PGBD2: variants seen among roughly 807,000 people sequenced by gnomAD.
PGBD2 encodes the protein piggyBac transposable element-derived protein 2.
Under a neutral mutation model 8.1 loss-of-function variants are expected in PGBD2, and 6 were observed. That is an observed-to-expected ratio of 0.74 (90% CI 0.40 to 1.46). The LOEUF is 1.46. PGBD2 is among the 40% of genes most tolerant of loss of function. The pLI is 0.02. For missense variants in PGBD2, 802 were observed against 739.0 expected, an observed-to-expected ratio of 1.09 and a Z score of -0.99; for synonymous variants, 318 against 272.2, an observed-to-expected ratio of 1.17 and a Z score of -1.66.
At chr1:248,926,896 A>G in the PGBD2 span, among the ~76,000 whole-genome samples, 53 of 152,308 alleles carry the variant, frequency 3.5e-4, no homozygotes, top group Non-Finnish European at 7.1e-4. Flanking sequence ...TTTGATTCTG[A>G]TATAAGAGAT....
the PGBD2 span, among the ~76,000 whole-genome samples, chr1:248,888,252 A>G: frequency 2.0e-5 from 3 of 152,316 alleles, no homozygotes; most frequent in South Asian, 6.2e-4. Context: ...GTAGAACAAT[A>G]TATTTACCCT....
chr1:248,879,345 C>T, the PGBD2 span, among the ~76,000 whole-genome samples: 1 of 151,970 alleles, frequency 6.6e-6, no homozygotes, highest in African/African-American at 2.4e-5. Context: ...TGTTATGTTC[C>T]CTGTTAATTC....
At chr1:248,901,588 A>G (rs1661534506), upstream of PGBD2, among the ~76,000 whole-genome samples, 1 of 152,228 alleles carries the variant, frequency 6.6e-6, no homozygotes, top group South Asian at 2.1e-4. Flanking sequence ...ACAAAAAATA[A>G]CTCAAGATGG....
At chr1:248,902,828 G>C (rs745848550), upstream of PGBD2, among the ~76,000 whole-genome samples, 1 of 152,026 alleles carries the variant, frequency 6.6e-6, no homozygotes, top group Non-Finnish European at 1.5e-5. Context: ...GTGGGGGTGG[G>C]GTGGCGGGGA....
At chr1:248,922,440 C>T (rs966923116), downstream of PGBD2, among the ~76,000 whole-genome samples, 11 of 152,140 alleles carry the variant, frequency 7.2e-5, no homozygotes, top group African/African-American at 2.4e-4. Flanking sequence ...TATTTGAATA[C>T]CCTTTATTTC....
chr1:248,916,024 AC>A (rs1662084679), intron 2 of PGBD2, among the ~76,000 whole-genome samples: 1 of 152,108 alleles, frequency 6.6e-6, no homozygotes, highest in Admixed American at 6.5e-5. Flanking sequence ...CACTAAAGGG[AC>A]CCTCTGCTTT....
the PGBD2 span, among the ~76,000 whole-genome samples, chr1:248,894,759 C>CCTTCCT: frequency 6.7e-6 from 1 of 148,856 alleles, no homozygotes; most frequent in Non-Finnish European, 1.5e-5. Context: ...TTCCCCTTCC[C>CCTTCCT]CTTCCTCTTC....
At chr1:248,892,116 T>C in the PGBD2 span, among the ~76,000 whole-genome samples, 1 of 152,234 alleles carries the variant, frequency 6.6e-6, no homozygotes, top group African/African-American at 2.4e-5. Flanking sequence ...TGCTCCAAAC[T>C]GTAGATTTGA....
intron 2 of PGBD2, chr1:248,914,294 C>T (rs1340820673): frequency 8.0e-6 from 5 of 622,404 alleles, no homozygotes; most frequent in Non-Finnish European, 1.0e-5. Flanking sequence ...CTGGAGCTTG[C>T]AGCCTTGGCT....
the PGBD2 span, among the ~76,000 whole-genome samples, chr1:248,879,548 C>T: frequency 6.6e-6 from 1 of 152,100 alleles, no homozygotes; most frequent in African/African-American, 2.4e-5. Context: ...GCGTGTGCCA[C>T]TACGTATGGC....
At chr1:248,884,135 G>A in the PGBD2 span, among the ~76,000 whole-genome samples, 23 of 152,054 alleles carry the variant, frequency 1.5e-4, no homozygotes, top group African/African-American at 5.6e-4. Flanking sequence ...TTTGTAAAAG[G>A]TAGAGTCCAG....
downstream of PGBD2, among the ~76,000 whole-genome samples, chr1:248,923,327 G>A (rs566403918): frequency 4.6e-5 from 7 of 152,198 alleles, no homozygotes; most frequent in African/African-American, 7.2e-5. Context: ...TTCTTATTGC[G>A]TCTATTTGGT....
In PGBD2 at chr1:248,917,891, G is replaced by A. The variant is rs372043364; in HGVS notation, c.1307G>A (p.Arg436His). Residue 436 changes from arginine (R) to histidine (H), a missense_variant, in exon 3 of 3, where the codon CGT becomes CAT. By Grantham distance (29) the Arg-to-His change is conservative. Transcript: ENST00000329291. ...VGIEPVRLTS[R>H]HSGAAKTRTQ... ...ATAGAGCCAGTGAGGCTGACCAGTC[G>A]TCACTCTGGAGCAGCTAAAACGCGG... is the stretch of plus-strand genomic sequence containing the variant. 3.9e-5 allele frequency: 63 copies of A among 1,614,110 alleles called. No homozygotes were observed. The highest frequency in any genetic ancestry group is 1.9e-4 in the African/African-American group (14 of 74,944).
Position 248,918,132 on chromosome 1 carries a change from C to G in PGBD2, c.1548C>G (p.Phe516Leu). Residue 516 changes from phenylalanine to leucine, a missense_variant, in exon 3 of 3, where the codon TTC (phenylalanine) becomes TTG (leucine). Physicochemically the swap from Phe to Leu is conservative, Grantham distance 22 (BLOSUM62 0). Transcript: ENST00000329291. ...ATGCCCAGGTGGACCTCCTTGCCTTCCGGAGATACATTGCCTGTGTGTATC... is the reference window on the plus strand; with the variant it reads ...ATGCCCAGGTGGACCTCCTTGCCTTGCGGAGATACATTGCCTGTGTGTATC... ...CQDAQVDLLAFRRYIACVYLE... is the reference protein window; with the variant it reads ...CQDAQVDLLALRRYIACVYLE... 1 of 1,614,208 alleles carries G rather than the reference C, an allele frequency of 6.2e-7. No individual in the cohort carries two copies. The highest frequency in any genetic ancestry group is 8.5e-7 in the Non-Finnish European group (1 of 1,180,020).
chr1:248,916,741 G>C lies in PGBD2; in HGVS notation c.157G>C (p.Glu53Gln), dbSNP rs900081793. Residue 53 changes from glutamate (E) to glutamine (Q), a missense_variant, in exon 3 of 3, where the codon GAA becomes CAA. By Grantham distance (29) the Glu-to-Gln change is conservative. Transcript: ENST00000329291. ...FIAPPDNAAG[E>Q]FTDEDSGDED... is the part of the protein sequence containing the mutation. ...TGCACCTCCCGACAATGCTGCGGGG[G>C]AATTCACTGATGAGGACTCAGGGGA... 6.2e-7 allele frequency: 1 copy of C among 1,614,184 alleles called. No homozygotes were observed. The highest frequency in any genetic ancestry group is 1.7e-5 in the Admixed American group (1 of 60,020).
chr1:248,880,750 G>T, the PGBD2 span, among the ~76,000 whole-genome samples: 2 of 152,002 alleles, frequency 1.3e-5, no homozygotes. Flanking sequence ...CAGCTTAAGG[G>T]CTTTTATTTT....
the PGBD2 span, among the ~76,000 whole-genome samples, chr1:248,890,500 A>G: frequency 6.6e-6 from 1 of 152,088 alleles, no homozygotes; most frequent in Admixed American, 6.6e-5. Context: ...GCTCCTGACT[A>G]TTCTACACAA....
In PGBD2 at chr1:248,914,798, C is replaced by A. The variant is rs540458660; in HGVS notation, c.17+919C>A. Among the ~76,000 whole-genome samples, 12 of 152,336 alleles carry A rather than the reference C, an allele frequency of 7.9e-5. No homozygotes were observed. In the South Asian group the frequency reaches 2.5e-3, roughly 32 times the overall value. On this transcript the variant is annotated intron_variant, in intron 2 of 2. Coordinates refer to ENST00000329291, the MANE Select transcript of PGBD2 (RefSeq NM_170725.3). ...CCTGGGGCTACGTATGGCAGCTGAA[C>A]ACTGGAAGTCCTGGCCAGGGCCTGT...
At chr1:248,901,120 T>C in the PGBD2 span, among the ~76,000 whole-genome samples, 1 of 152,204 alleles carries the variant, frequency 6.6e-6, no homozygotes, top group African/African-American at 2.4e-5. Context: ...AAACATTCCA[T>C]GCTCAGGGAT....
Sources: allele counts gnomAD v4.1 joint callset (sites outside exome capture counted in the v4.1 genomes callset), GRCh38; gene constraint gnomAD v4.1.1; transcripts MANE v1.5; gene names NCBI Gene and HGNC (gene_info 2026-07-23, HGNC 2026-07-21).